The following MIR2052HG variants were observed in gnomAD, a reference collection of about 807,000 sequenced individuals.
MIR2052HG encodes MIR2052 host gene.
At chr8:74,628,041 A>C (rs972316526) in intron 2 of MIR2052HG, among the ~76,000 whole-genome samples, 1 of 152,134 alleles carries the variant, frequency 6.6e-6, no homozygotes, top group African/African-American at 2.4e-5. Context: ...ACTTTGGTGC[A>C]CTGATGCCTT....
At chr8:74,676,726 C>T (rs1809056925) in intron 2 of MIR2052HG, among the ~76,000 whole-genome samples, 1 of 151,798 alleles carries the variant, frequency 6.6e-6, no homozygotes, top group African/African-American at 2.4e-5. Flanking sequence ...CTAATATATA[C>T]CATGGTGACT....
At chr8:74,643,481 A>G (rs1184507043) in intron 2 of MIR2052HG, among the ~76,000 whole-genome samples, 7 of 152,136 alleles carry the variant, frequency 4.6e-5, no homozygotes, top group African/African-American at 1.7e-4. Flanking sequence ...CCGGAGGTAT[A>G]TTTTCGTTCT....
At chr8:74,740,180 T>G (rs919397283) in intron 4 of MIR2052HG, among the ~76,000 whole-genome samples, 19 of 152,146 alleles carry the variant, frequency 1.2e-4, no homozygotes, top group Non-Finnish European at 1.9e-4. Flanking sequence ...AAAAATTGTT[T>G]GGGCTAGGCG....
chr8:74,700,567 T>A (rs1038754516), intron 2 of MIR2052HG, among the ~76,000 whole-genome samples: 1 of 152,142 alleles, frequency 6.6e-6, no homozygotes, highest in African/African-American at 2.4e-5. Flanking sequence ...AAAAATTAAA[T>A]CACTATTTTA....
At chr8:74,705,533 C>A (rs928585434) in intron 4 of MIR2052HG, among the ~76,000 whole-genome samples, 12 of 151,996 alleles carry the variant, frequency 7.9e-5, no homozygotes, top group Admixed American at 3.3e-4. Context: ...GGACTCTGAC[C>A]AAGAGTCTGA....
At chr8:74,750,705 C>A (rs1809935599) in intron 4 of MIR2052HG, among the ~76,000 whole-genome samples, 1 of 152,102 alleles carries the variant, frequency 6.6e-6, no homozygotes, top group South Asian at 2.1e-4. Context: ...ATAACTCTTG[C>A]CTTATAACTT....
At chr8:74,630,632 C>T (rs546280488) in intron 2 of MIR2052HG, among the ~76,000 whole-genome samples, 13 of 151,970 alleles carry the variant, frequency 8.6e-5, no homozygotes, top group Admixed American at 2.0e-4. Context: ...GACTGAGCTT[C>T]AGAAACAAGT....
intron 2 of MIR2052HG, among the ~76,000 whole-genome samples, chr8:74,694,584 T>TA (rs778371382): frequency 1.4e-4 from 21 of 151,836 alleles, no homozygotes; most frequent in Admixed American, 4.6e-4. Context: ...CAACTTAAAT[T>TA]AAAAAATGTT....
chr8:74,612,532 C>T (rs1808212905), intron 1 of MIR2052HG: 1 of 199,360 alleles, frequency 5.0e-6, no homozygotes, highest in Non-Finnish European at 1.0e-5. Flanking sequence ...GGACAGAGGT[C>T]ATGCTCGTTA....
At chr8:74,676,753 C>A (rs1294211877) in intron 2 of MIR2052HG, among the ~76,000 whole-genome samples, 3 of 152,000 alleles carry the variant, frequency 2.0e-5, no homozygotes, top group Non-Finnish European at 4.4e-5. Context: ...AATAATAATG[C>A]ATTGTATGCT....
chr8:74,727,262 T>A (rs1809646334), intron 4 of MIR2052HG, among the ~76,000 whole-genome samples: 1 of 152,216 alleles, frequency 6.6e-6, no homozygotes, highest in Non-Finnish European at 1.5e-5. Context: ...TCTGTGATAA[T>A]CAGCTAACTA....
At chr8:74,710,248 T>C (rs1445601128) in intron 4 of MIR2052HG, among the ~76,000 whole-genome samples, 1 of 152,128 alleles carries the variant, frequency 6.6e-6, no homozygotes, top group Non-Finnish European at 1.5e-5. Flanking sequence ...TCAGGGATGT[T>C]CAGTGGAGAA....
At chr8:74,726,132 G>A (rs913504589) in intron 4 of MIR2052HG, among the ~76,000 whole-genome samples, 1 of 152,148 alleles carries the variant, frequency 6.6e-6, no homozygotes, top group African/African-American at 2.4e-5. Context: ...GGCGGAGGTT[G>A]CAGTGAGCCA....
intron 4 of MIR2052HG, among the ~76,000 whole-genome samples, chr8:74,735,916 T>C (rs1005733105): frequency 3.9e-5 from 6 of 152,214 alleles, no homozygotes; most frequent in African/African-American, 1.4e-4. Context: ...GGCAATAGTC[T>C]TGCTCTTTAG....
chr8:74,628,384 G>T (rs10504581), intron 2 of MIR2052HG, among the ~76,000 whole-genome samples: 10,438 of 152,200 alleles, frequency 0.069, 522 homozygotes, highest in African/African-American at 0.13. Flanking sequence ...CTAAGTCCAG[G>T]TTAAAATATC....
intron 4 of MIR2052HG, among the ~76,000 whole-genome samples, chr8:74,737,059 C>A (rs1369411980): frequency 6.6e-6 from 1 of 152,210 alleles, no homozygotes; most frequent in Non-Finnish European, 1.5e-5. Context: ...ACCTTTTCTG[C>A]GCGCAGTTGA....
chr8:74,651,141 T>C (rs985844989), intron 2 of MIR2052HG, among the ~76,000 whole-genome samples: 1 of 152,086 alleles, frequency 6.6e-6, no homozygotes, highest in African/African-American at 2.4e-5. Context: ...TTCTCATTTT[T>C]TTTTCCTTAG....
At position 74,624,152 on chromosome 8, in the gene MIR2052HG, A is replaced by G. The variant is rs147550198; in HGVS notation, n.216+11212A>G. Among the ~76,000 whole-genome samples, 799 of 152,242 alleles carry G rather than the reference A, an allele frequency of 5.2e-3. 11 individuals carry two copies. The highest frequency in any genetic ancestry group is 0.018 in the African/African-American group (743 of 41,530). On this transcript the variant is annotated intron_variant and non_coding_transcript_variant, in intron 2 of 6. Transcript: ENST00000523442. ...AATCATGGAGATTTTGGTCCAACTG[A>G]TTTTCCATTTTTTTCCGGGAACAAT...
chr8:74,600,334 C>T (rs1167343919), intron 1 of MIR2052HG, among the ~76,000 whole-genome samples: 1 of 151,288 alleles, frequency 6.6e-6, no homozygotes, highest in Non-Finnish European at 1.5e-5. Context: ...CCTGTAATCC[C>T]AGCACTTTGA....
Sources: allele counts gnomAD v4.1 joint callset (sites outside exome capture counted in the v4.1 genomes callset), GRCh38; gene constraint gnomAD v4.1.1; transcripts MANE v1.5; gene names NCBI Gene and HGNC (gene_info 2026-07-23, HGNC 2026-07-21).